The following ACOXL variants were observed in gnomAD, a reference collection of about 807,000 sequenced individuals.
The protein encoded by ACOXL is acyl-CoA oxidase like.
A neutral mutation model predicts 71.9 loss-of-function variants in ACOXL; 70 were observed. The observed-to-expected ratio is 0.97, with a 90% CI of 0.80 to 1.19. ACOXL has a LOEUF of 1.19. ACOXL is among the 50% of genes most tolerant of loss of function. ACOXL has a pLI of 0.00. For synonymous variants in ACOXL, 253 were observed against 281.6 expected (o/e 0.90, Z 1.02); for missense variants, 703 against 736.3 (o/e 0.95, Z 0.52).
At chr2:110,796,782 A>G (rs1457772607) in intron 5 of ACOXL, among the ~76,000 whole-genome samples, 1 of 152,224 alleles carries the variant, frequency 6.6e-6, no homozygotes, top group African/African-American at 2.4e-5. Context: ...AAGATCCAGC[A>G]TGTCCGTTTA....
chr2:110,792,981 T>C (rs1684828152), intron 3 of ACOXL, among the ~76,000 whole-genome samples: 1 of 152,210 alleles, frequency 6.6e-6, no homozygotes, highest in Admixed American at 6.5e-5. Context: ...TGAATCCCAA[T>C]TTCCCATGTT....
intron 2 of ACOXL, among the ~76,000 whole-genome samples, chr2:110,779,835 G>C (rs1168304503): frequency 6.6e-6 from 1 of 152,204 alleles, no homozygotes; most frequent in Admixed American, 6.5e-5. Flanking sequence ...CCTAAACAGA[G>C]ACTCAAAAAT....
At chr2:110,752,600 T>G (rs769407934) in intron 1 of ACOXL, among the ~76,000 whole-genome samples, 23 of 151,516 alleles carry the variant, frequency 1.5e-4, no homozygotes, top group Non-Finnish European at 3.1e-4. Context: ...GGGTGTGGAT[T>G]ACACAGTTGA....
chr2:110,799,150 C>T (rs1320706731), intron 7 of ACOXL, 50 bp downstream of exon 7: 1 of 1,548,376 alleles, frequency 6.5e-7, no homozygotes, highest in Non-Finnish European at 8.9e-7. Context: ...TACCTGCTCC[C>T]CACCTGACTC....
intron 12 of ACOXL, chr2:110,963,706 T>C: frequency 6.2e-7 from 1 of 1,614,028 alleles, no homozygotes; most frequent in East Asian, 2.2e-5. Flanking sequence ...GATGTTGTTA[T>C]GCTTCAGGTA....
intron 12 of ACOXL, among the ~76,000 whole-genome samples, chr2:110,972,722 A>G (rs1126260): frequency 0.48 from 72,853 of 151,964 alleles, 17,678 homozygotes; most frequent in Middle Eastern, 0.6. Flanking sequence ...GCTGAAGTCC[A>G]GAGGAAACCA....
chr2:110,944,487 T>G (rs2061020584), intron 12 of ACOXL, among the ~76,000 whole-genome samples: 1 of 152,200 alleles, frequency 6.6e-6, no homozygotes, highest in South Asian at 2.1e-4. Context: ...AGGTAGTTTT[T>G]TTATCCTCAC....
chr2:110,747,243 A>G (rs1678342402), intron 1 of ACOXL, among the ~76,000 whole-genome samples: 2 of 152,256 alleles, frequency 1.3e-5, no homozygotes, highest in Middle Eastern at 3.4e-3. Context: ...CTCTGAGTCC[A>G]TTCTTTGGGT....
At chr2:110,985,031 A>G (rs2062867860) in intron 12 of ACOXL, among the ~76,000 whole-genome samples, 1 of 152,234 alleles carries the variant, frequency 6.6e-6, no homozygotes. Flanking sequence ...AGAGAAAGCA[A>G]TTTGTTCATA....
At chr2:110,924,572 G>A (rs2060201757) in intron 11 of ACOXL, among the ~76,000 whole-genome samples, 1 of 152,122 alleles carries the variant, frequency 6.6e-6, no homozygotes, top group South Asian at 2.1e-4. Context: ...TCCTTCATGA[G>A]AAGCAACTCC....
rs1300889597 is a variant in ACOXL, at chr2:111,031,603, A to AT, written c.1282-19dup. 15 of 1,609,244 alleles carry AT rather than the reference A, an allele frequency of 9.3e-6. No individual in the cohort carries two copies. In the Admixed American group the frequency reaches 1.8e-4, roughly 20 times the overall value. ...CTCTCTCACAATATCCTCAATGGTG[A>AT]TTTTTCTTCTGTCGATTGGACAGGT... On this transcript the variant is annotated intron_variant, in intron 14 of 17. Transcript: ENST00000439055.
chr2:110,781,129 G>T (rs1363534205), intron 2 of ACOXL, among the ~76,000 whole-genome samples: 2 of 152,214 alleles, frequency 1.3e-5, no homozygotes, highest in Non-Finnish European at 2.9e-5. Context: ...GGAATGCCCT[G>T]TGCTCTTGAT....
At chr2:111,085,721 C>T (rs575993788) in intron 16 of ACOXL, among the ~76,000 whole-genome samples, 12 of 151,556 alleles carry the variant, frequency 7.9e-5, no homozygotes, top group South Asian at 4.2e-4. Flanking sequence ...CAGGAAATAA[C>T]CAAAATCAAA....
chr2:110,834,369 C>T (rs776495596), intron 9 of ACOXL, among the ~76,000 whole-genome samples: 5 of 152,168 alleles, frequency 3.3e-5, no homozygotes, highest in Admixed American at 6.5e-5. Context: ...TCATATTATC[C>T]GTTAGCCAAC....
chr2:110,794,179 G>A lies in ACOXL; in HGVS notation c.345+5G>A. ...ACCTTTGACCTCTCTGCCCAGGTGAGGAATCCATCCTTCTCCTGCCGTGCA... is the reference window on the plus strand; with the variant it reads ...ACCTTTGACCTCTCTGCCCAGGTGAAGAATCCATCCTTCTCCTGCCGTGCA... On this transcript the variant is annotated splice_donor_5th_base_variant and intron_variant, in intron 5 of 17. Transcript: ENST00000439055. 1 of 1,613,884 alleles carries A rather than the reference G, an allele frequency of 6.2e-7. No homozygotes were observed. Among genetic ancestry groups the A allele is most frequent in the Non-Finnish European group, 8.5e-7 (1 of 1,179,762 alleles).
chr2:110,752,576 A>C (rs1201771265), intron 1 of ACOXL, among the ~76,000 whole-genome samples: 3 of 151,130 alleles, frequency 2.0e-5, no homozygotes, highest in Non-Finnish European at 4.4e-5. Flanking sequence ...CTGGAATGTG[A>C]TTTTCCTTGG....
chr2:110,852,090 G>A (rs796447051), intron 10 of ACOXL, among the ~76,000 whole-genome samples: 8 of 152,352 alleles, frequency 5.3e-5, no homozygotes, highest in African/African-American at 1.7e-4. Flanking sequence ...CCCTATGGAC[G>A]ACTGTCCAGG....
intron 17 of ACOXL, 73 bp from the exon 18 acceptor site, chr2:111,117,543 C>A: frequency 1.3e-6 from 2 of 1,483,456 alleles, no homozygotes; most frequent in East Asian, 2.5e-5. Flanking sequence ...GCTTGGTGGG[C>A]TGAAAGCTGC....
chr2:110,768,574 G>A (rs1681439293), intron 2 of ACOXL, 110 bp downstream of exon 2: 6 of 996,222 alleles, frequency 6.0e-6, no homozygotes, highest in Non-Finnish European at 3.0e-6. Flanking sequence ...ATGTTTAGAG[G>A]GTATATGTGC....
Sources: gnomAD v4.1 joint callset for allele counts (sites outside exome capture counted in the v4.1 genomes callset) on GRCh38, gnomAD v4.1.1 for gene constraint, MANE v1.5 for transcripts, NCBI Gene and HGNC (gene_info 2026-07-23, HGNC 2026-07-21) for gene names.